Variants in FBXO25 observed in about 807,000 individuals in gnomAD.
FBXO25 encodes F-box only protein 25.
FBXO25 carries 45 observed loss-of-function variants against 51.9 expected under a neutral mutation model. That is an observed-to-expected ratio of 0.87 (90% CI 0.68 to 1.11). FBXO25 has a LOEUF of 1.11. Among genes scored for constraint, FBXO25 ranks in the 50% most tolerant of loss-of-function variants. The pLI is 0.00. For missense variants in FBXO25, 507 were observed against 428.5 expected (o/e 1.18, Z -1.62); for synonymous variants, 199 against 151.0 (o/e 1.32, Z -2.33).
intron 5 of FBXO25, among the ~76,000 whole-genome samples, chr8:435,944 C>A (rs1272663778): frequency 2.0e-5 from 3 of 152,188 alleles, no homozygotes; most frequent in African/African-American, 4.8e-5. Context: ...CTCATCTGCC[C>A]TGTGGCTCTG....
Position 475,186 on chromosome 8 carries a change from T to C in FBXO25, c.*6382T>C, listed in dbSNP as rs1016478990. 3.0e-6 allele frequency: 1 copy of C among 329,102 alleles called. No homozygotes were observed. The highest frequency in any genetic ancestry group is 4.7e-5 in the Admixed American group (1 of 21,140). 20.4% of individuals were successfully genotyped at this position (329,102 alleles called of 1,614,324 possible). ...GTGGATGTCCACTTGTCTAGCACCA[T>C]TTGTTGAAAAGACTGTCCTTTCTCC... is the stretch of plus-strand genomic sequence containing the variant. On this transcript the variant is annotated 3_prime_UTR_variant, in exon 10 of 10. Transcript: ENST00000350302.
chr8:465,369 G>T (rs1800087812), intron 9 of FBXO25, among the ~76,000 whole-genome samples: 1 of 152,166 alleles, frequency 6.6e-6, no homozygotes, highest in Non-Finnish European at 1.5e-5. Context: ...CTCCTGAGCA[G>T]ATTGTTTTGT....
chr8:466,121 G>A (rs938382346), intron 9 of FBXO25, among the ~76,000 whole-genome samples: 4 of 152,150 alleles, frequency 2.6e-5, no homozygotes, highest in East Asian at 1.9e-4. Flanking sequence ...GGCAGTCCAC[G>A]TTTTTAGTTC....
intron 4 of FBXO25, 53 bp from the exon 5 acceptor site, chr8:435,562 G>A: frequency 6.3e-7 from 1 of 1,580,978 alleles, no homozygotes; most frequent in Non-Finnish European, 8.5e-7. Context: ...GACATTAACT[G>A]CCAATTCTTT....
At chr8:435,389 G>A (rs1798043842) in intron 4 of FBXO25, 1 of 546,374 alleles carries the variant, frequency 1.8e-6, no homozygotes, top group Non-Finnish European at 3.2e-6. Context: ...TACTTCAGCA[G>A]GTTGTAAAAA....
intron 1 of FBXO25, among the ~76,000 whole-genome samples, chr8:411,857 C>T (rs945506037): frequency 3.3e-5 from 5 of 152,148 alleles, no homozygotes; most frequent in Non-Finnish European, 7.4e-5. Flanking sequence ...GGTTTTTAGC[C>T]TCATGCACAG....
chr8:409,027 C>A (rs541737902), intron 1 of FBXO25, among the ~76,000 whole-genome samples: 2 of 152,122 alleles, frequency 1.3e-5, no homozygotes, highest in Middle Eastern at 3.2e-3. Context: ...TGAACAAATA[C>A]ATTCCCATTG....
chr8:466,547 G>C lies in FBXO25; in HGVS notation c.988-2168G>C, dbSNP rs562221207. On this transcript the variant is annotated intron_variant, in intron 9 of 9. Coordinates refer to ENST00000350302, the MANE Select transcript of FBXO25 (RefSeq NM_183420.2). The stretch of plus-strand genomic sequence containing the variant: ...GTAATATCAAAGCTGTTAAGAAAAT[G>C]AGACTGGGTGTTGTTGACTCTAAAT... 2.6e-5 allele frequency among the ~76,000 whole-genome samples: 4 copies of C among 152,308 alleles called. No homozygotes were observed. The East Asian group carries it at 7.7e-4, about 29-fold the overall frequency.
intron 1 of FBXO25, among the ~76,000 whole-genome samples, chr8:409,930 A>T (rs1388253201): frequency 6.6e-6 from 1 of 152,150 alleles, no homozygotes; most frequent in Non-Finnish European, 1.5e-5. Context: ...CAGTCCTCTG[A>T]TAAACTTTCT....
At chr8:443,595 C>G (rs1045812247) in intron 5 of FBXO25, among the ~76,000 whole-genome samples, 1 of 150,928 alleles carries the variant, frequency 6.6e-6, no homozygotes, top group South Asian at 2.1e-4. Context: ...GCTTGAGCAA[C>G]TTGTGAGCTG....
At chr8:418,689 CT>C (rs2117479040) in intron 2 of FBXO25, among the ~76,000 whole-genome samples, 2 of 152,200 alleles carry the variant, frequency 1.3e-5, no homozygotes, top group South Asian at 4.2e-4. Flanking sequence ...TATATTTCCC[CT>C]GTTTACACTT....
intron 5 of FBXO25, among the ~76,000 whole-genome samples, chr8:443,486 G>C (rs563999140): frequency 1.3e-5 from 2 of 151,884 alleles, no homozygotes; most frequent in East Asian, 3.9e-4. Context: ...TTCTGCCAGT[G>C]CTAGAAGTCA....
intron 5 of FBXO25, among the ~76,000 whole-genome samples, chr8:443,509 C>CAA (rs1798553702): frequency 6.6e-6 from 1 of 151,568 alleles, no homozygotes; most frequent in Non-Finnish European, 1.5e-5. Flanking sequence ...GAACATTTGA[C>CAA]AGAGTCAAAA....
At chr8:413,708 C>G (rs1796627267) in intron 2 of FBXO25, among the ~76,000 whole-genome samples, 1 of 152,204 alleles carries the variant, frequency 6.6e-6, no homozygotes, top group African/African-American at 2.4e-5. Flanking sequence ...GTATTACCTG[C>G]TACATTTGCG....
At chr8:458,095 T>G (rs563791467) in intron 7 of FBXO25, among the ~76,000 whole-genome samples, 1 of 152,210 alleles carries the variant, frequency 6.6e-6, no homozygotes, top group Non-Finnish European at 1.5e-5. Flanking sequence ...CTCCTGATGC[T>G]GACGCACACC....
At chr8:425,126 G>A (rs1367664861) in intron 2 of FBXO25, among the ~76,000 whole-genome samples, 1 of 151,090 alleles carries the variant, frequency 6.6e-6, no homozygotes, top group Non-Finnish European at 1.5e-5. Flanking sequence ...TCCCAGAAGC[G>A]CCCCCCGCCC....
rs1321237550 is a variant in FBXO25, at chr8:476,503, G to A, written c.*7699G>A. 1 of 152,082 alleles carries A rather than the reference G, an allele frequency of 6.6e-6. No homozygotes were observed. Among genetic ancestry groups the A allele is most frequent in the Non-Finnish European group, 1.5e-5 (1 of 67,988 alleles). The allele number at this position is 152,082 out of a possible 1,614,324, so 9.4% of individuals were successfully genotyped here. A position where few individuals can be genotyped will look rare whatever the true frequency, so the allele number is the denominator to read the frequency against. On this transcript the variant is annotated 3_prime_UTR_variant, in exon 10 of 10. Coordinates refer to ENST00000350302, the MANE Select transcript of FBXO25 (RefSeq NM_183420.2). ...GACCCTGGGCTTTTCTTTCTTGGGAGGCTTTTCTTTACTACTTCATGCTCT... is the reference window on the plus strand; with the variant it reads ...GACCCTGGGCTTTTCTTTCTTGGGAAGCTTTTCTTTACTACTTCATGCTCT...
intron 7 of FBXO25, among the ~76,000 whole-genome samples, chr8:456,699 G>A (rs1239075374): frequency 1.3e-5 from 2 of 152,188 alleles, no homozygotes; most frequent in Non-Finnish European, 2.9e-5. Flanking sequence ...CTGTCAAGCA[G>A]TGTTGAGGCC....
At position 458,522 on chromosome 8, in the gene FBXO25, C is replaced by T. The variant is rs1195953989; in HGVS notation, c.814C>T (p.Leu272Phe). 6.2e-7 allele frequency: 1 copy of T among 1,614,146 alleles called. No individual in the cohort carries two copies. The highest frequency in any genetic ancestry group is 8.5e-7 in the Non-Finnish European group (1 of 1,180,002). The change falls in exon 8 of 10, where the codon CTT (leucine) becomes TTT (phenylalanine). Residue 272 changes from leucine to phenylalanine, a missense_variant. Leu to Phe is a conservative substitution (Grantham distance 22, BLOSUM62 0). Coordinates refer to ENST00000350302, the MANE Select transcript of FBXO25 (RefSeq NM_183420.2). ...TGAAGACAGACAGCTGTGGAAGAAG[C>T]TTTGTCAGTACCATTTTGCTGAAAA... ...LSEDRQLWKK[L>F]CQYHFAEKQF...
Sources: gnomAD v4.1 joint callset for allele counts (sites outside exome capture counted in the v4.1 genomes callset) on GRCh38, gnomAD v4.1.1 for gene constraint, MANE v1.5 for transcripts, NCBI Gene and HGNC (gene_info 2026-07-23, HGNC 2026-07-21) for gene names.